CFAP58: variants seen among roughly 807,000 people sequenced by gnomAD.
The protein encoded by CFAP58 is cilia and flagella associated protein 58.
In CFAP58, 88 loss-of-function variants were observed where a neutral mutation model predicts 119.5. That is an observed-to-expected ratio of 0.74 (90% CI 0.62 to 0.88). The LOEUF is 0.88. Ranked by LOEUF, CFAP58 falls within the 40% of genes least tolerant of loss-of-function variation. CFAP58 has a pLI of 0.00. For missense variants in CFAP58, 990 were observed against 1,021.2 expected, an observed-to-expected ratio of 0.97 and a Z score of 0.42; for synonymous variants, 365 against 366.3, an observed-to-expected ratio of 1.00 and a Z score of 0.04.
chr10:104,353,648 T>C, upstream of CFAP58: 1 of 515,798 alleles, frequency 1.9e-6, no homozygotes, highest in Non-Finnish European at 3.5e-6. Flanking sequence ...CATTGGGATA[T>C]ATTTGCATAT....
At chr10:104,413,816 G>C (rs2012500448) in intron 15 of CFAP58, among the ~76,000 whole-genome samples, 1 of 151,858 alleles carries the variant, frequency 6.6e-6, no homozygotes, top group Non-Finnish European at 1.5e-5. Flanking sequence ...CATCAAGATG[G>C]CATTTCTAAT....
chr10:104,365,070 G>A (rs182628565), intron 4 of CFAP58, among the ~76,000 whole-genome samples, 181 bp downstream of exon 4: 7 of 152,180 alleles, frequency 4.6e-5, no homozygotes, highest in East Asian at 1.9e-4. Flanking sequence ...TGATTTGAAC[G>A]ACTTGAATTG....
At chr10:104,447,587 G>T (rs2013129675) in intron 15 of CFAP58, 111 bp from the exon 16 acceptor site, 3 of 1,270,392 alleles carry the variant, frequency 2.4e-6, no homozygotes, top group Non-Finnish European at 2.2e-6. Flanking sequence ...TCACTGTGGA[G>T]CTGTGAAGTA....
chr10:104,379,970 T>G (rs1259548162), intron 8 of CFAP58, 59 bp from the exon 9 acceptor site: 1 of 1,474,096 alleles, frequency 6.8e-7, no homozygotes, highest in Non-Finnish European at 9.2e-7. Context: ...GAGGGTAAAC[T>G]TAACCCCAAA....
intron 4 of CFAP58, 71 bp downstream of exon 4, chr10:104,364,960 C>T: frequency 6.7e-7 from 1 of 1,489,404 alleles, no homozygotes; most frequent in South Asian, 1.2e-5. Context: ...AGTCTCTATT[C>T]CCATCTTGCT....
At chr10:104,444,566 C>T (rs2013084656) in intron 15 of CFAP58, among the ~76,000 whole-genome samples, 1 of 152,248 alleles carries the variant, frequency 6.6e-6, no homozygotes, top group Admixed American at 6.5e-5. Context: ...AGACAATGTA[C>T]TGAAGACCTT....
intron 15 of CFAP58, among the ~76,000 whole-genome samples, chr10:104,428,260 G>T (rs190430757): frequency 1.3e-4 from 20 of 152,192 alleles, no homozygotes; most frequent in Non-Finnish European, 1.2e-4. Context: ...CAGGGAAGTC[G>T]CTCACCGGTG....
chr10:104,357,825 A>G lies in CFAP58; in HGVS notation c.10-516A>G, dbSNP rs1209475148. ...TACACACATATATATGTACATATAT[A>G]CACATATATGTACACATATGTACAC... On this transcript the variant is annotated intron_variant, in intron 1 of 17. Coordinates refer to ENST00000369704, the MANE Select transcript of CFAP58 (RefSeq NM_001008723.2). 3.4e-5 allele frequency among the ~76,000 whole-genome samples: 5 copies of G among 147,766 alleles called. 1 individual carries two copies. The highest frequency in any genetic ancestry group is 2.5e-5 in the African/African-American group (1 of 39,686).
chr10:104,388,328 C>T (rs993655707), intron 9 of CFAP58, among the ~76,000 whole-genome samples: 6 of 152,252 alleles, frequency 3.9e-5, no homozygotes, highest in African/African-American at 1.4e-4. Flanking sequence ...TTACTATATG[C>T]TAAGTACTTA....
At chr10:104,367,156 G>C (rs2014761610) in intron 5 of CFAP58, among the ~76,000 whole-genome samples, 1 of 152,144 alleles carries the variant, frequency 6.6e-6, no homozygotes, top group Admixed American at 6.5e-5. Flanking sequence ...ACCGCACCCA[G>C]CCGACAGGTT....
chr10:104,388,660 A>G (rs188607868), intron 9 of CFAP58, among the ~76,000 whole-genome samples: 9 of 152,340 alleles, frequency 5.9e-5, no homozygotes, highest in Admixed American at 4.6e-4. Flanking sequence ...AGTTTATTGT[A>G]CTGATATTTC....
chr10:104,360,831 G>A (rs989079951), intron 2 of CFAP58, among the ~76,000 whole-genome samples: 1 of 152,260 alleles, frequency 6.6e-6, no homozygotes, highest in Middle Eastern at 3.4e-3. Context: ...TTTTATGGCT[G>A]CATAGTATTT....
chr10:104,379,994 T>C (rs1412348217), intron 8 of CFAP58, 35 bp from the exon 9 acceptor site: 31 of 1,570,138 alleles, frequency 2.0e-5, no homozygotes, highest in Non-Finnish European at 2.6e-5. Context: ...TTGAACATTA[T>C]GAGTAATGTG....
chr10:104,405,269 C>G (rs1317973247), intron 14 of CFAP58, among the ~76,000 whole-genome samples: 2 of 152,276 alleles, frequency 1.3e-5, no homozygotes, highest in African/African-American at 4.8e-5. Context: ...TTTCTTTTCT[C>G]TTTTGGACCC....
intron 15 of CFAP58, among the ~76,000 whole-genome samples, 177 bp downstream of exon 15, chr10:104,406,970 C>T (rs1342806661): frequency 2.6e-5 from 4 of 152,154 alleles, no homozygotes; most frequent in East Asian, 1.9e-4. Flanking sequence ...TTTTACGTTG[C>T]GATCACTGAT....
chr10:104,369,495 G>T (rs1171909373), intron 6 of CFAP58, among the ~76,000 whole-genome samples: 2 of 152,200 alleles, frequency 1.3e-5, no homozygotes, highest in South Asian at 2.1e-4. Context: ...GGGTCTGAGG[G>T]TCTGACGCTG....
chr10:104,432,190 A>G (rs1298660845), intron 15 of CFAP58, among the ~76,000 whole-genome samples: 1 of 152,206 alleles, frequency 6.6e-6, no homozygotes, highest in Non-Finnish European at 1.5e-5. Context: ...AAGCATTTCA[A>G]AGGTGGAAAG....
chr10:104,392,147 C>A (rs1369136758), intron 9 of CFAP58, 86 bp from the exon 10 acceptor site: 8 of 1,183,984 alleles, frequency 6.8e-6, no homozygotes, highest in Non-Finnish European at 9.8e-6. Flanking sequence ...CTACCAGCCA[C>A]CCTTAGATAA....
chr10:104,451,680 C>T (rs900270197), intron 17 of CFAP58, among the ~76,000 whole-genome samples: 12 of 152,204 alleles, frequency 7.9e-5, no homozygotes, highest in African/African-American at 2.4e-4. Flanking sequence ...TTAATTTCCA[C>T]ATGAAGCAGG....
Sources: allele counts gnomAD v4.1 joint callset (sites outside exome capture counted in the v4.1 genomes callset), GRCh38; gene constraint gnomAD v4.1.1; transcripts MANE v1.5; gene names NCBI Gene and HGNC (gene_info 2026-07-23, HGNC 2026-07-21).